The following RFFL variants were observed in gnomAD, a reference collection of about 807,000 sequenced individuals.
RFFL encodes the protein E3 ubiquitin-protein ligase rififylin.
RFFL carries 16 observed loss-of-function variants against 40.4 expected under a neutral mutation model. The ratio of observed to expected loss-of-function variants is 0.40; its 90% CI spans 0.27 to 0.60. The LOEUF is 0.60. RFFL is among the 20% of genes least tolerant of loss of function. The pLI is 0.47. For synonymous variants in RFFL, 154 were observed against 167.9 expected, an observed-to-expected ratio of 0.92 and a Z score of 0.64; for missense variants, 367 against 451.7, an observed-to-expected ratio of 0.81 and a Z score of 1.70.
chr17:35,040,841 C>CT (rs869061281), intron 1 of RFFL, among the ~76,000 whole-genome samples: 41 of 62,414 alleles, frequency 6.6e-4, no homozygotes, highest in African/African-American at 1.1e-3. Flanking sequence ...GCTTTAATGT[C>CT]TTTTTTTTTT....
chr17:35,061,373 T>C (rs1567713772), intron 1 of RFFL, among the ~76,000 whole-genome samples: 1 of 152,068 alleles, frequency 6.6e-6, no homozygotes, highest in Non-Finnish European at 1.5e-5. Context: ...TGTCAGAAAA[T>C]GGTGGTATCC....
At chr17:35,056,694 T>C (rs2091263461) in intron 1 of RFFL, among the ~76,000 whole-genome samples, 1 of 151,886 alleles carries the variant, frequency 6.6e-6, no homozygotes, top group Non-Finnish European at 1.5e-5. Context: ...ACTTTTTAAA[T>C]GCATCCTGCA....
chr17:35,020,175 A>G (rs2090999850), intron 3 of RFFL, among the ~76,000 whole-genome samples: 1 of 152,222 alleles, frequency 6.6e-6, no homozygotes, highest in African/African-American at 2.4e-5. Flanking sequence ...AAGGGGATCA[A>G]GAAGTCAGTG....
intron 1 of RFFL, among the ~76,000 whole-genome samples, chr17:35,078,377 A>C (rs2091387684): frequency 6.6e-6 from 1 of 152,154 alleles, no homozygotes; most frequent in Non-Finnish European, 1.5e-5. Context: ...ACCATAGTTC[A>C]TTATAACCTC....
intron 1 of RFFL, among the ~76,000 whole-genome samples, chr17:35,055,853 A>G (rs2091258336): frequency 6.6e-6 from 1 of 152,020 alleles, no homozygotes; most frequent in South Asian, 2.1e-4. Context: ...ATTGCTTGAG[A>G]TATTTTTCAG....
chr17:35,067,879 C>G (rs773610368), upstream of RFFL, among the ~76,000 whole-genome samples: 14 of 152,164 alleles, frequency 9.2e-5, no homozygotes, highest in Non-Finnish European at 1.8e-4. Context: ...CCAAGCTGAA[C>G]AGTAGTCACA....
chr17:35,059,133 C>T (rs951116355), intron 1 of RFFL, among the ~76,000 whole-genome samples: 6 of 151,660 alleles, frequency 4.0e-5, no homozygotes, highest in African/African-American at 1.5e-4. Flanking sequence ...ATTCTCCTGC[C>T]TCGGCCTCCC....
intron 1 of RFFL, among the ~76,000 whole-genome samples, chr17:35,028,892 C>A (rs1010503152): frequency 6.6e-5 from 10 of 152,012 alleles, no homozygotes; most frequent in African/African-American, 2.4e-4. Context: ...CGCTCCCTTG[C>A]AGGGGTCTCT....
At chr17:35,013,704 G>C (rs569246076) in intron 6 of RFFL, among the ~76,000 whole-genome samples, 7 of 152,206 alleles carry the variant, frequency 4.6e-5, no homozygotes, top group Admixed American at 4.6e-4. Context: ...AGATGAATGG[G>C]AATAATTTAT....
intron 1 of RFFL, among the ~76,000 whole-genome samples, chr17:35,041,036 G>A (rs1479845887): frequency 1.3e-5 from 2 of 151,372 alleles, no homozygotes; most frequent in South Asian, 2.1e-4. Flanking sequence ...GAGCTACCAC[G>A]ACCAGCCTTT....
chr17:35,006,003 T>G lies in RFFL; in HGVS notation c.*5965A>C. 4.0e-6 allele frequency: 1 copy of G among 247,022 alleles called. No homozygotes were observed. Among genetic ancestry groups the G allele is most frequent in the Non-Finnish European group, 8.0e-6 (1 of 125,544 alleles). The allele number at this position is 247,022 out of a possible 1,614,324, so 15.3% of individuals were successfully genotyped here. A position where few individuals can be genotyped will look rare whatever the true frequency, so the allele number is the denominator to read the frequency against. On this transcript the variant is annotated 3_prime_UTR_variant, in exon 7 of 7. Transcript: ENST00000394597. ...AACAATGTTGAGTGGCATTTTCTTC[T>G]TAGTTTTTAATTTCTTAAAGAAAAT...
chr17:35,030,455 T>A (rs919860435), intron 1 of RFFL, among the ~76,000 whole-genome samples: 6 of 152,054 alleles, frequency 3.9e-5, no homozygotes, highest in Admixed American at 6.5e-5. Context: ...ATGGTGAGCA[T>A]TTTTTTGTGT....
intron 1 of RFFL, among the ~76,000 whole-genome samples, chr17:35,042,823 C>CAAAAAAAAAAAAAAAAAAA (rs11296826): frequency 5.0e-5 from 3 of 60,470 alleles, no homozygotes; most frequent in Admixed American, 2.1e-4. Context: ...GACTCCATCT[C>CAAAAAAAAAAAAAAAAAAA]AAAAAAAAAA....
intron 1 of RFFL, among the ~76,000 whole-genome samples, chr17:35,033,918 G>A (rs546371987): frequency 1.1e-4 from 17 of 151,822 alleles, no homozygotes; most frequent in Middle Eastern, 3.4e-3. Flanking sequence ...CGAGGTGGGC[G>A]GATCACGAGG....
At chr17:35,046,887 G>C (rs148250943) in intron 1 of RFFL, among the ~76,000 whole-genome samples, 1 of 152,324 alleles carries the variant, frequency 6.6e-6, no homozygotes, top group East Asian at 1.9e-4. Context: ...AGAAACCTAC[G>C]CTTTCATTTC....
intron 2 of RFFL, among the ~76,000 whole-genome samples, chr17:35,024,815 G>A (rs894302533): frequency 1.6e-4 from 25 of 152,166 alleles, no homozygotes; most frequent in Non-Finnish European, 3.5e-4. Flanking sequence ...ATCCACTTAA[G>A]CATGAAATTA....
chr17:35,041,667 T>C, intron 1 of RFFL, among the ~76,000 whole-genome samples: 1 of 151,834 alleles, frequency 6.6e-6, no homozygotes, highest in East Asian at 1.9e-4. Flanking sequence ...ATACTTGAGA[T>C]GAGACCTGAA....
upstream of RFFL, among the ~76,000 whole-genome samples, chr17:35,068,362 G>A (rs2091330989): frequency 6.6e-6 from 1 of 152,232 alleles, no homozygotes; most frequent in Non-Finnish European, 1.5e-5. Flanking sequence ...CCTCTCCTGG[G>A]AGATAGAGGC....
intron 1 of RFFL, among the ~76,000 whole-genome samples, chr17:35,030,921 G>A (rs1445769355): frequency 6.6e-6 from 1 of 152,050 alleles, no homozygotes; most frequent in Non-Finnish European, 1.5e-5. Flanking sequence ...CCTCTGGACA[G>A]TCTGTATGCT....
Sources: allele counts gnomAD v4.1 joint callset (sites outside exome capture counted in the v4.1 genomes callset), GRCh38; gene constraint gnomAD v4.1.1; transcripts MANE v1.5; gene names NCBI Gene and HGNC (gene_info 2026-07-23, HGNC 2026-07-21).